Variants in ARFIP1 observed in about 807,000 individuals in gnomAD.
ARFIP1 encodes the protein arfaptin-1.
A neutral mutation model predicts 42.5 loss-of-function variants in ARFIP1; 24 were observed. The ratio of observed to expected loss-of-function variants is 0.57; its 90% CI spans 0.41 to 0.80. The LOEUF (loss-of-function observed/expected upper bound fraction) is 0.80, where lower values mean the gene tolerates loss of function less well. ARFIP1 is among the 30% of genes least tolerant of loss of function. ARFIP1 has a pLI of 0.00. For synonymous variants in ARFIP1, 141 were observed against 153.7 expected, an observed-to-expected ratio of 0.92 and a Z score of 0.61; for missense variants, 354 against 434.0, an observed-to-expected ratio of 0.82 and a Z score of 1.64.
chr4:152,823,069 T>C (rs1265635227), intron 1 of ARFIP1, among the ~76,000 whole-genome samples: 2 of 151,066 alleles, frequency 1.3e-5, no homozygotes, highest in Non-Finnish European at 3.0e-5. Context: ...TTAAATGAAA[T>C]TGAAACAAAA....
At chr4:152,867,469 A>C (rs1044616623) in intron 3 of ARFIP1, among the ~76,000 whole-genome samples, 13 of 152,096 alleles carry the variant, frequency 8.5e-5, no homozygotes, top group African/African-American at 2.9e-4. Context: ...TCTGCTCGGC[A>C]TCAGAGGGAG....
chr4:152,906,778 A>G (rs781467186), intron 8 of ARFIP1, among the ~76,000 whole-genome samples: 1 of 152,196 alleles, frequency 6.6e-6, no homozygotes, highest in Admixed American at 6.5e-5. Flanking sequence ...GTCTTACCGC[A>G]TATACCAGGC....
chr4:152,782,217 G>C (rs1339847892), intron 1 of ARFIP1, among the ~76,000 whole-genome samples: 1 of 123,586 alleles, frequency 8.1e-6, no homozygotes, highest in Non-Finnish European at 1.7e-5. Flanking sequence ...AGTGAAAACA[G>C]GTAGGGGTGT....
At chr4:152,867,054 G>GGT (rs1734452243) in intron 3 of ARFIP1, among the ~76,000 whole-genome samples, 1 of 145,932 alleles carries the variant, frequency 6.9e-6, no homozygotes, top group African/African-American at 2.8e-5. Flanking sequence ...CCAGACGATG[G>GGT]GCAGCCAGGC....
At chr4:152,867,679 T>A (rs759615976) in intron 3 of ARFIP1, among the ~76,000 whole-genome samples, 23 of 152,186 alleles carry the variant, frequency 1.5e-4, no homozygotes, top group Admixed American at 2.6e-4. Flanking sequence ...CAGTTGGCCA[T>A]CATGAACTGA....
intron 2 of ARFIP1, among the ~76,000 whole-genome samples, chr4:152,840,578 G>A (rs917406412): frequency 3.9e-5 from 6 of 152,078 alleles, no homozygotes; most frequent in Non-Finnish European, 7.4e-5. Context: ...ATCCCTGCTC[G>A]CTTTTTGTGT....
chr4:152,875,862 G>A (rs553484776), intron 5 of ARFIP1, among the ~76,000 whole-genome samples: 30 of 151,968 alleles, frequency 2.0e-4, no homozygotes, highest in Non-Finnish European at 3.8e-4. Flanking sequence ...TTGAATCATG[G>A]GAGCCGGTCT....
At position 152,912,008 on chromosome 4, in the gene ARFIP1, T is replaced by A. The variant is rs1738885635; in HGVS notation, c.*1789T>A. ...TCTGAACCTTAAAAAAAAAGGTACT[T>A]CTGTCACTTATAATTGTTTTAGCTC... On this transcript the variant is annotated 3_prime_UTR_variant, in exon 9 of 9. Coordinates refer to ENST00000353617, the MANE Select transcript of ARFIP1 (RefSeq NM_001025595.3). 1 of 152,606 alleles carries A rather than the reference T, an allele frequency of 6.6e-6. No individual in the cohort carries two copies. Among genetic ancestry groups the A allele is most frequent in the African/African-American group, 2.4e-5 (1 of 41,468 alleles). The allele number at this position is 152,606 out of a possible 1,614,324, so 9.5% of individuals were successfully genotyped here.
At chr4:152,782,895 T>G (rs927201504) in intron 1 of ARFIP1, among the ~76,000 whole-genome samples, 3 of 152,138 alleles carry the variant, frequency 2.0e-5, no homozygotes, top group Admixed American at 6.5e-5. Flanking sequence ...AATGTTAACT[T>G]GAAGAGACCT....
intron 1 of ARFIP1, among the ~76,000 whole-genome samples, chr4:152,808,137 C>T (rs1422898760): frequency 2.0e-5 from 3 of 151,956 alleles, no homozygotes; most frequent in African/African-American, 2.4e-5. Flanking sequence ...TGCGCCACCA[C>T]GCCTGGCTAT....
In ARFIP1 at chr4:152,870,738, T is replaced by C; in HGVS notation, c.203-15T>C. The C allele has an allele frequency of 6.3e-7, 1 of 1,595,050 alleles. No homozygotes were observed. Among genetic ancestry groups the C allele is most frequent in the Non-Finnish European group, 8.6e-7 (1 of 1,162,612 alleles). ...AGGAAAAGGATTTTCACAGTTAAAATGTCTACCTTTTCAGGTTCCCCAGCA... is the reference window on the plus strand; with the variant it reads ...AGGAAAAGGATTTTCACAGTTAAAACGTCTACCTTTTCAGGTTCCCCAGCA... On this transcript the variant is annotated splice_polypyrimidine_tract_variant and intron_variant, in intron 3 of 8. Transcript: ENST00000353617.
At chr4:152,889,532 TATAC>T (rs1240940522) in intron 8 of ARFIP1, among the ~76,000 whole-genome samples, 794 of 46,860 alleles carry the variant, frequency 0.017, 77 homozygotes, top group African/African-American at 0.022. Context: ...TATATATATA[TATAC>T]ACCTATTTTT....
chr4:152,806,551 G>A (rs1307220425), intron 1 of ARFIP1, among the ~76,000 whole-genome samples: 1 of 152,054 alleles, frequency 6.6e-6, no homozygotes, highest in Non-Finnish European at 1.5e-5. Flanking sequence ...ACATATAAGT[G>A]TACTCATTTA....
intron 8 of ARFIP1, among the ~76,000 whole-genome samples, chr4:152,893,458 GA>G (rs999074552): frequency 1.3e-5 from 2 of 151,766 alleles, no homozygotes; most frequent in Non-Finnish European, 2.9e-5. Context: ...ATAAAGATGT[GA>G]AAAAATAGTT....
intron 1 of ARFIP1, among the ~76,000 whole-genome samples, chr4:152,784,691 T>C (rs1213967439): frequency 6.6e-6 from 1 of 152,270 alleles, no homozygotes; most frequent in Admixed American, 6.5e-5. Flanking sequence ...AGAATCTGAA[T>C]AACTTTGGGT....
At chr4:152,905,542 A>ATTGTTTTTTT (rs1738249733) in intron 8 of ARFIP1, among the ~76,000 whole-genome samples, 7 of 45,958 alleles carry the variant, frequency 1.5e-4, no homozygotes, top group Admixed American at 2.9e-4. Flanking sequence ...AATTGTAAGA[A>ATTGTTTTTTT]TTGTTTTTTT....
At chr4:152,835,947 A>G (rs923598903) in intron 2 of ARFIP1, among the ~76,000 whole-genome samples, 1 of 152,118 alleles carries the variant, frequency 6.6e-6, no homozygotes, top group Non-Finnish European at 1.5e-5. Flanking sequence ...AGAGTCTTTT[A>G]AACAACCAGA....
intron 8 of ARFIP1, among the ~76,000 whole-genome samples, chr4:152,894,521 A>G (rs1737149645): frequency 6.6e-6 from 1 of 152,126 alleles, no homozygotes; most frequent in African/African-American, 2.4e-5. Flanking sequence ...ACTTAATGTC[A>G]CCTTTACTTC....
At chr4:152,826,474 G>A (rs1214875917) in intron 1 of ARFIP1, among the ~76,000 whole-genome samples, 1 of 152,132 alleles carries the variant, frequency 6.6e-6, no homozygotes, top group African/African-American at 2.4e-5. Context: ...ACTCAGAAGA[G>A]GGGAGGGTGC....
Sources: allele counts gnomAD v4.1 joint callset (sites outside exome capture counted in the v4.1 genomes callset), GRCh38; gene constraint gnomAD v4.1.1; transcripts MANE v1.5; gene names NCBI Gene and HGNC (gene_info 2026-07-23, HGNC 2026-07-21).